NRXN3: variants seen among roughly 807,000 people sequenced by gnomAD.
The protein encoded by NRXN3 is neurexin III.
NRXN3 carries 32 observed loss-of-function variants against 137.6 expected under a neutral mutation model. The ratio of observed to expected loss-of-function variants is 0.23; its 90% CI spans 0.18 to 0.31. The LOEUF is 0.31. Among genes scored for constraint, NRXN3 ranks in the 10% least tolerant of loss-of-function variants. NRXN3 has a pLI of 1.00. For missense variants in NRXN3, 1,574 were observed against 2,062.5 expected, an observed-to-expected ratio of 0.76 and a Z score of 4.59; for synonymous variants, 798 against 784.5, an observed-to-expected ratio of 1.02 and a Z score of -0.29.
At chr14:79,139,855 G>A (rs1025001127) in intron 15 of NRXN3, among the ~76,000 whole-genome samples, 10 of 150,972 alleles carry the variant, frequency 6.6e-5, no homozygotes, top group African/African-American at 2.4e-4. Context: ...ATGCTGCCAG[G>A]ATCACATGCT....
chr14:78,700,215 G>A (rs933153782), intron 6 of NRXN3, among the ~76,000 whole-genome samples: 1 of 152,134 alleles, frequency 6.6e-6, no homozygotes, highest in Non-Finnish European at 1.5e-5. Context: ...ATTTACATGG[G>A]ATTTTGTTTC....
At chr14:78,587,924 A>G (rs1474456731) in intron 4 of NRXN3, among the ~76,000 whole-genome samples, 1 of 152,096 alleles carries the variant, frequency 6.6e-6, no homozygotes, top group Non-Finnish European at 1.5e-5. Context: ...TATTTTTTTA[A>G]TAGCTATATC....
intron 10 of NRXN3, among the ~76,000 whole-genome samples, chr14:78,881,488 A>T (rs1436500622): frequency 6.6e-6 from 1 of 151,612 alleles, no homozygotes; most frequent in Non-Finnish European, 1.5e-5. Flanking sequence ...ACTTGTTGGG[A>T]ACTGGAGTAA....
chr14:78,600,357 A>G (rs1388081662), intron 4 of NRXN3, among the ~76,000 whole-genome samples: 1 of 152,154 alleles, frequency 6.6e-6, no homozygotes. Flanking sequence ...CTTCCCTACT[A>G]CAATACTGTC....
At chr14:79,584,880 C>T (rs150352138) in intron 16 of NRXN3, among the ~76,000 whole-genome samples, 2 of 152,078 alleles carry the variant, frequency 1.3e-5, no homozygotes, top group Admixed American at 6.6e-5. Context: ...AGCCTCTATT[C>T]GATTAATGAA....
intron 19 of NRXN3, among the ~76,000 whole-genome samples, chr14:79,794,027 C>T (rs2099153527): frequency 6.6e-6 from 1 of 152,152 alleles, no homozygotes; most frequent in Admixed American, 6.5e-5. Flanking sequence ...CAGGTAGAAC[C>T]AAAAACAAGA....
chr14:79,817,089 G>A (rs2099253931), intron 20 of NRXN3, among the ~76,000 whole-genome samples: 1 of 151,948 alleles, frequency 6.6e-6, no homozygotes, highest in African/African-American at 2.4e-5. Flanking sequence ...TGGTCACTCT[G>A]TCACCCATGC....
At chr14:79,466,900 A>G (rs1306061534) in intron 15 of NRXN3, among the ~76,000 whole-genome samples, 2 of 152,148 alleles carry the variant, frequency 1.3e-5, no homozygotes, top group Non-Finnish European at 2.9e-5. Flanking sequence ...GGAAGACCAG[A>G]AAGTTGTTTA....
At chr14:79,769,620 G>T (rs1261168354) in intron 19 of NRXN3, among the ~76,000 whole-genome samples, 1 of 151,964 alleles carries the variant, frequency 6.6e-6, no homozygotes, top group East Asian at 1.9e-4. Context: ...GCTCCTGAAG[G>T]AAGCGCTTAA....
At chr14:79,535,931 T>TG (rs1357198508) in intron 16 of NRXN3, among the ~76,000 whole-genome samples, 1 of 152,186 alleles carries the variant, frequency 6.6e-6, no homozygotes, top group Non-Finnish European at 1.5e-5. Flanking sequence ...AGTTACGTGT[T>TG]GGAGTGCTAT....
intron 15 of NRXN3, among the ~76,000 whole-genome samples, chr14:79,361,702 C>G (rs1221352716): frequency 6.6e-6 from 1 of 151,766 alleles, no homozygotes; most frequent in Non-Finnish European, 1.5e-5. Flanking sequence ...GGGTGACGGG[C>G]TAAATAGAAT....
At chr14:78,598,538 G>A (rs2097176972) in intron 4 of NRXN3, among the ~76,000 whole-genome samples, 2 of 152,220 alleles carry the variant, frequency 1.3e-5, no homozygotes, top group African/African-American at 4.8e-5. Flanking sequence ...GGGCAGCTAA[G>A]GCACCTGGGG....
At position 78,316,286 on chromosome 14, in the gene NRXN3, G is replaced by A. The variant is rs1054372548; in HGVS notation, c.757+18426G>A. ...GACAGGAGGGAGTGTAGAGTTGGGGGCGGGGGTGGCAGACAGCTGTGGGGG... is the reference window on the plus strand; with the variant it reads ...GACAGGAGGGAGTGTAGAGTTGGGGACGGGGGTGGCAGACAGCTGTGGGGG... On this transcript the variant is annotated intron_variant, in intron 4 of 20. Transcript: ENST00000335750. Among the ~76,000 whole-genome samples the A allele has an allele frequency of 2.6e-5, 4 of 152,204 alleles. No homozygotes were observed. In the South Asian group the frequency reaches 8.3e-4, roughly 32 times the overall value.
At chr14:78,315,485 A>G (rs2078598246) in intron 4 of NRXN3, among the ~76,000 whole-genome samples, 1 of 152,266 alleles carries the variant, frequency 6.6e-6, no homozygotes, top group East Asian at 1.9e-4. Context: ...GCAAATTCCA[A>G]GGAATAAAAT....
chr14:78,920,260 C>T (rs2099267455), intron 10 of NRXN3, among the ~76,000 whole-genome samples: 1 of 152,134 alleles, frequency 6.6e-6, no homozygotes, highest in African/African-American at 2.4e-5. Context: ...GTGCAGTGAT[C>T]CCTAACACTT....
At chr14:78,661,753 C>T (rs2097843505) in intron 6 of NRXN3, among the ~76,000 whole-genome samples, 1 of 152,210 alleles carries the variant, frequency 6.6e-6, no homozygotes, top group African/African-American at 2.4e-5. Flanking sequence ...GGATAACATA[C>T]CTAACCTTCT....
intron 16 of NRXN3, among the ~76,000 whole-genome samples, chr14:79,657,125 A>G (rs545068256): frequency 2.0e-5 from 3 of 152,078 alleles, no homozygotes; most frequent in Non-Finnish European, 4.4e-5. Context: ...GATTTTATTT[A>G]TTTCTCTTAA....
chr14:79,267,459 A>G (rs2078615594), intron 15 of NRXN3, among the ~76,000 whole-genome samples: 1 of 151,880 alleles, frequency 6.6e-6, no homozygotes, highest in South Asian at 2.1e-4. Context: ...CCCAGGCTCA[A>G]CCGTTCTCAT....
chr14:79,407,151 T>C (rs1443390548), intron 15 of NRXN3, among the ~76,000 whole-genome samples: 1 of 152,102 alleles, frequency 6.6e-6, no homozygotes, highest in African/African-American at 2.4e-5. Context: ...TATAGGGAGA[T>C]TCTTCAATCC....
Sources: gnomAD v4.1 joint callset for allele counts (sites outside exome capture counted in the v4.1 genomes callset) on GRCh38, gnomAD v4.1.1 for gene constraint, MANE v1.5 for transcripts, NCBI Gene and HGNC (gene_info 2026-07-23, HGNC 2026-07-21) for gene names.